Variants in CSMD1 observed in about 807,000 individuals in gnomAD.
CSMD1 encodes the protein CUB and sushi domain-containing protein 1.
Under a neutral mutation model 417.5 loss-of-function variants are expected in CSMD1, and 213 were observed. That is an observed-to-expected ratio of 0.51 (90% CI 0.46 to 0.57). The LOEUF is 0.57. Ranked by LOEUF, CSMD1 falls within the 20% of genes least tolerant of loss-of-function variation. The pLI, the probability that CSMD1 is intolerant of heterozygous loss-of-function variation, is 0.00. For synonymous variants in CSMD1, 2,862 were observed against 1,736.8 expected (o/e 1.65, Z -16.11); for missense variants, 6,923 against 4,529.7 (o/e 1.53, Z -15.17).
intron 2 of CSMD1, among the ~76,000 whole-genome samples, chr8:4,461,441 A>G (rs1028798921): frequency 6.6e-6 from 1 of 151,390 alleles, no homozygotes; most frequent in Non-Finnish European, 1.5e-5. Context: ...CACATGATCT[A>G]GTATACAGAA....
At chr8:3,178,990 C>T (rs1438410298) in intron 37 of CSMD1, among the ~76,000 whole-genome samples, 1 of 150,272 alleles carries the variant, frequency 6.7e-6, no homozygotes, top group Admixed American at 6.6e-5. Context: ...CTCTGTCACC[C>T]AGGCTGGAGT....
At chr8:3,685,374 G>A (rs1391168102) in intron 7 of CSMD1, among the ~76,000 whole-genome samples, 2 of 152,076 alleles carry the variant, frequency 1.3e-5, no homozygotes, top group African/African-American at 4.8e-5. Flanking sequence ...CTAAACACCA[G>A]GGGTCCTGTC....
At chr8:3,621,218 C>A (rs1238096087) in intron 7 of CSMD1, among the ~76,000 whole-genome samples, 1 of 152,188 alleles carries the variant, frequency 6.6e-6, no homozygotes, top group East Asian at 1.9e-4. Flanking sequence ...AGTAGCGTAG[C>A]ACTTTTTTTA....
intron 5 of CSMD1, among the ~76,000 whole-genome samples, chr8:3,929,525 C>A (rs376810680): frequency 4.0e-5 from 6 of 150,240 alleles, no homozygotes; most frequent in African/African-American, 1.5e-4. Flanking sequence ...AAGTCAACGT[C>A]CATTGGCAGG....
intron 3 of CSMD1, among the ~76,000 whole-genome samples, chr8:4,099,056 G>GT (rs1200401477): frequency 6.6e-6 from 1 of 151,998 alleles, no homozygotes; most frequent in Non-Finnish European, 1.5e-5. Context: ...TGACACATCT[G>GT]TTTTTTTCTT....
intron 5 of CSMD1, among the ~76,000 whole-genome samples, chr8:3,906,138 G>C (rs149258805): frequency 1.3e-5 from 2 of 152,262 alleles, no homozygotes; most frequent in South Asian, 2.1e-4. Context: ...CCACCCCACA[G>C]TGTACCAGGT....
chr8:2,974,119 T>TAGAGGATGATGGTAGAGGATGATGGC (rs879257160), intron 56 of CSMD1, among the ~76,000 whole-genome samples: 2 of 148,238 alleles, frequency 1.3e-5, no homozygotes, highest in Non-Finnish European at 3.0e-5. Flanking sequence ...AGGATGATGG[T>TAGAGGATGATGGTAGAGGATGATGGC]AGAGGGAGGG....
At chr8:3,439,290 T>TAC (rs1814795781) in intron 12 of CSMD1, among the ~76,000 whole-genome samples, 1 of 44,608 alleles carries the variant, frequency 2.2e-5, no homozygotes, top group Non-Finnish European at 3.7e-5. Context: ...AGTATATATA[T>TAC]ATATATATAT....
intron 3 of CSMD1, among the ~76,000 whole-genome samples, chr8:4,163,988 G>T (rs568842407): frequency 7.9e-5 from 12 of 152,292 alleles, no homozygotes; most frequent in Non-Finnish European, 1.6e-4. Flanking sequence ...TGGGATTGAG[G>T]AATAATCGTG....
At chr8:4,700,916 G>A (rs952030623) in intron 1 of CSMD1, among the ~76,000 whole-genome samples, 3 of 152,122 alleles carry the variant, frequency 2.0e-5, no homozygotes, top group East Asian at 1.9e-4. Context: ...AGATTTCAGA[G>A]GAGCAGAGAA....
At chr8:4,227,915 A>G (rs927162021) in intron 3 of CSMD1, among the ~76,000 whole-genome samples, 2 of 150,860 alleles carry the variant, frequency 1.3e-5, no homozygotes, top group African/African-American at 2.4e-5. Context: ...TCCACCCCAC[A>G]TTAAATCCCA....
intron 1 of CSMD1, among the ~76,000 whole-genome samples, chr8:4,988,097 T>C (rs571771210): frequency 6.6e-6 from 1 of 152,306 alleles, no homozygotes; most frequent in African/African-American, 2.4e-5. Context: ...TCCTGACTAA[T>C]ACAGTGAAAA....
intron 8 of CSMD1, chr8:3,598,322 T>C (rs78875163): frequency 0.044 from 6,649 of 152,296 alleles, 340 homozygotes; most frequent in East Asian, 0.15. Context: ...CTCTATGTAG[T>C]TATGCATTTG....
chr8:4,923,365 T>C (rs1221233163), intron 1 of CSMD1, among the ~76,000 whole-genome samples: 2 of 152,124 alleles, frequency 1.3e-5, no homozygotes, highest in African/African-American at 4.8e-5. Context: ...TTGGCATACA[T>C]TTTAAAATAA....
chr8:2,985,515 A>G (rs1805816962), intron 54 of CSMD1, among the ~76,000 whole-genome samples: 1 of 152,192 alleles, frequency 6.6e-6, no homozygotes, highest in Non-Finnish European at 1.5e-5. Flanking sequence ...AAGGTTCTAT[A>G]CAAAGTCACT....
In CSMD1 at chr8:3,808,564, G is replaced by A. The variant is rs1218647559; in HGVS notation, c.819-54522C>T. Among the ~76,000 whole-genome samples the A allele has an allele frequency of 2.6e-5, 4 of 152,110 alleles. No homozygotes were observed. The East Asian group carries it at 5.8e-4, about 22-fold the overall frequency. On this transcript the variant is annotated intron_variant, in intron 5 of 69. Transcript: ENST00000635120. ...AAAGTCTGTCTCTCTTTATGATATG[G>A]GGAGAATCCTCATGTTTGAAAATAA...
chr8:3,872,501 C>T (rs1805542721), intron 5 of CSMD1, among the ~76,000 whole-genome samples: 1 of 152,158 alleles, frequency 6.6e-6, no homozygotes, highest in South Asian at 2.1e-4. Flanking sequence ...CTCCCTGGTG[C>T]CTGAACTAGG....
chr8:4,044,400 T>C (rs1563357296), intron 3 of CSMD1, among the ~76,000 whole-genome samples: 2 of 152,166 alleles, frequency 1.3e-5, no homozygotes, highest in African/African-American at 4.8e-5. Flanking sequence ...GCAATCTCAG[T>C]CTACTTTGTG....
At chr8:4,399,100 C>T (rs1173580257) in intron 3 of CSMD1, among the ~76,000 whole-genome samples, 2 of 152,086 alleles carry the variant, frequency 1.3e-5, no homozygotes, top group Non-Finnish European at 2.9e-5. Flanking sequence ...CATGTAAATG[C>T]TTAGAGCTTT....
Sources: allele counts gnomAD v4.1 joint callset (sites outside exome capture counted in the v4.1 genomes callset), GRCh38; gene constraint gnomAD v4.1.1; transcripts MANE v1.5; gene names NCBI Gene and HGNC (gene_info 2026-07-23, HGNC 2026-07-21).